TESPA1: variants seen among roughly 807,000 people sequenced by gnomAD.
TESPA1 encodes the protein thymocyte expressed, positive selection associated 1.
A neutral mutation model predicts 57.9 loss-of-function variants in TESPA1; 33 were observed. The ratio of observed to expected loss-of-function variants is 0.57; its 90% CI spans 0.43 to 0.76. TESPA1 has a LOEUF of 0.76. Among genes scored for constraint, TESPA1 ranks in the 30% least tolerant of loss-of-function variants. TESPA1 has a pLI of 0.00. For missense variants in TESPA1, 618 were observed against 632.9 expected (o/e 0.98, Z 0.25); for synonymous variants, 227 against 228.9 (o/e 0.99, Z 0.07).
chr12:54,951,400 C>G (rs987577402), intron 10 of TESPA1, among the ~76,000 whole-genome samples: 2 of 152,136 alleles, frequency 1.3e-5, no homozygotes, highest in African/African-American at 4.8e-5. Flanking sequence ...TTTTCTTTAC[C>G]CACTCTCAGC....
rs1951058788 is a variant in TESPA1, at chr12:54,961,279, A to C, written c.1468-12T>G. The C allele has an allele frequency of 6.2e-7, 1 of 1,613,784 alleles. No individual in the cohort carries two copies. The highest frequency in any genetic ancestry group is 1.3e-5 in the African/African-American group (1 of 74,998). ...CTGTTGCTTTGCACCTGTAACCAAG[A>C]TCCCACAGAACTCAGCCAGAGCCAA... is the stretch of plus-strand genomic sequence containing the variant. On this transcript the variant is annotated splice_polypyrimidine_tract_variant and intron_variant, in intron 9 of 10. Transcript: ENST00000449076.
intron 7 of TESPA1, among the ~76,000 whole-genome samples, chr12:54,965,043 C>G (rs1951335383): frequency 6.6e-6 from 1 of 152,168 alleles, no homozygotes; most frequent in Non-Finnish European, 1.5e-5. Flanking sequence ...CTTCAAATTT[C>G]AGATACTTTT....
rs1950288984 is a variant in TESPA1 at position 54,950,120 on chromosome 12, A to G, written c.*272T>C. 4 of 355,784 alleles carry G rather than the reference A, an allele frequency of 1.1e-5. No individual in the cohort carries two copies. The Admixed American group carries it at 1.4e-4, about 13-fold the overall frequency. The allele number at this position is 355,784 out of a possible 1,614,324, so 22.0% of individuals were successfully genotyped here. On this transcript the variant is annotated 3_prime_UTR_variant, in exon 11 of 11. Coordinates refer to ENST00000449076, the MANE Select transcript of TESPA1 (RefSeq NM_001136030.3). The stretch of plus-strand genomic sequence containing the variant: ...ATATTTTAATACACACATAGTAGAG[A>G]AACCAGTGTACAGAGAAATGAAGAG...
rs1255304661 is a variant in TESPA1, at chr12:54,956,580, T to A, written c.*1+4588A>T. Among the ~76,000 whole-genome samples, 3 of 152,158 alleles carry A rather than the reference T, an allele frequency of 2.0e-5. No individual in the cohort carries two copies. The East Asian group carries it at 5.8e-4, about 29-fold the overall frequency. ...CTTTCTCAGGAACTTGGAGGAAGAT[T>A]AAAACCTCTTTCCCAGCAGAGACTA... On this transcript the variant is annotated intron_variant, in intron 10 of 10. Coordinates refer to ENST00000449076, the MANE Select transcript of TESPA1 (RefSeq NM_001136030.3).
At chr12:54,955,420 G>A (rs1355240899) in intron 10 of TESPA1, among the ~76,000 whole-genome samples, 1 of 152,196 alleles carries the variant, frequency 6.6e-6, no homozygotes, top group Admixed American at 6.5e-5. Flanking sequence ...TAAGCACTTT[G>A]TTTTAACTTG....
At chr12:54,961,647 T>C (rs1323960264) in intron 9 of TESPA1, among the ~76,000 whole-genome samples, 2 of 152,192 alleles carry the variant, frequency 1.3e-5, no homozygotes, top group South Asian at 2.1e-4. Context: ...ACTTAGAGAA[T>C]GTGCCCACCT....
intron 5 of TESPA1, 111 bp from the exon 6 acceptor site, chr12:54,966,535 G>T: frequency 1.6e-6 from 2 of 1,287,314 alleles, no homozygotes; most frequent in Non-Finnish European, 2.2e-6. Flanking sequence ...TTGTGACTAT[G>T]ACAGGCTAGC....
chr12:54,977,178 T>C (rs888360245), intron 1 of TESPA1, among the ~76,000 whole-genome samples: 1 of 152,170 alleles, frequency 6.6e-6, no homozygotes, highest in Admixed American at 6.5e-5. Context: ...GACAGAAATT[T>C]TGGGTCATTT....
chr12:54,948,817 G>C lies in TESPA1; in HGVS notation c.*1575C>G, dbSNP rs374768485. ...AGATATTTCTGTTCTCTTGTGACAA[G>C]ATAGCCTTAACTTTCCCCTCAGCTT... On this transcript the variant is annotated 3_prime_UTR_variant, in exon 11 of 11. Transcript: ENST00000449076. 1 of 152,206 alleles carries C rather than the reference G, an allele frequency of 6.6e-6. No individual in the cohort carries two copies. Among genetic ancestry groups the C allele is most frequent in the Non-Finnish European group, 1.5e-5 (1 of 68,032 alleles). The allele number at this position is 152,206 out of a possible 1,614,324, so 9.4% of individuals were successfully genotyped here.
intron 10 of TESPA1, among the ~76,000 whole-genome samples, chr12:54,958,088 T>A (rs1950842263): frequency 9.8e-5 from 15 of 152,346 alleles, no homozygotes; most frequent in Admixed American, 9.1e-4. Context: ...TTCTGATATT[T>A]TAAAATACTG....
chr12:54,955,387 A>C (rs1440222331), intron 10 of TESPA1, among the ~76,000 whole-genome samples: 3 of 152,234 alleles, frequency 2.0e-5, no homozygotes, highest in African/African-American at 7.2e-5. Flanking sequence ...TTCCAGTCTC[A>C]ATGGGCAGGT....
At chr12:54,953,342 AG>A (rs1359278263) in intron 10 of TESPA1, among the ~76,000 whole-genome samples, 2 of 152,114 alleles carry the variant, frequency 1.3e-5, no homozygotes, top group Admixed American at 1.3e-4. Context: ...ACTAGGCATA[AG>A]GTGTAGTTTC....
At chr12:54,957,328 C>T (rs1447106785) in intron 10 of TESPA1, among the ~76,000 whole-genome samples, 2 of 152,110 alleles carry the variant, frequency 1.3e-5, no homozygotes, top group Non-Finnish European at 2.9e-5. Flanking sequence ...GAACTTAAAA[C>T]GACATTATAA....
chr12:54,971,883 A>G (rs1407987262), intron 3 of TESPA1, among the ~76,000 whole-genome samples: 1 of 152,114 alleles, frequency 6.6e-6, no homozygotes, highest in African/African-American at 2.4e-5. Flanking sequence ...AGATAGATGG[A>G]TAGATATAGA....
chr12:54,967,257 G>A lies in TESPA1; in HGVS notation c.257-21C>T, dbSNP rs771005668. 45 of 1,610,720 alleles carry A rather than the reference G, an allele frequency of 2.8e-5. No individual in the cohort carries two copies. In the African/African-American group the frequency reaches 5.6e-4, roughly 20 times the overall value. ...GAAGCCTGTCCAATAATCAGGTGAGGGTCACAGAAAACCAGGATGGAACAT... is the reference window on the plus strand; with the variant it reads ...GAAGCCTGTCCAATAATCAGGTGAGAGTCACAGAAAACCAGGATGGAACAT... On this transcript the variant is annotated intron_variant, in intron 4 of 10. Coordinates refer to ENST00000449076, the MANE Select transcript of TESPA1 (RefSeq NM_001136030.3).
intron 3 of TESPA1, among the ~76,000 whole-genome samples, chr12:54,969,147 G>A (rs1411995044): frequency 1.3e-5 from 2 of 150,014 alleles, no homozygotes; most frequent in East Asian, 3.9e-4. Flanking sequence ...ATTTTAATAT[G>A]TCCTTATGAA....
rs114804696 is a variant in TESPA1 at position 54,950,114 on chromosome 12, G to A, written c.*278C>T. ...CATTATATATTTTAATACACACATAGTAGAGAAACCAGTGTACAGAGAAAT... is the reference window on the plus strand; with the variant it reads ...CATTATATATTTTAATACACACATAATAGAGAAACCAGTGTACAGAGAAAT... On this transcript the variant is annotated 3_prime_UTR_variant, in exon 11 of 11. Coordinates refer to ENST00000449076, the MANE Select transcript of TESPA1 (RefSeq NM_001136030.3). 1.7e-5 allele frequency: 6 copies of A among 351,846 alleles called. No homozygotes were observed. Among genetic ancestry groups the A allele is most frequent in the Non-Finnish European group, 3.4e-5 (6 of 178,568 alleles). The allele number at this position is 351,846 out of a possible 1,614,324, so 21.8% of individuals were successfully genotyped here.
chr12:54,964,412 TAG>T (rs1159064298), intron 7 of TESPA1, among the ~76,000 whole-genome samples: 1 of 152,200 alleles, frequency 6.6e-6, no homozygotes, highest in Non-Finnish European at 1.5e-5. Flanking sequence ...TTCTTGATCT[TAG>T]GGCAAAAAGT....
In TESPA1 at chr12:54,962,973, T is replaced by C; in HGVS notation, c.925A>G (p.Arg309Gly). ...RPPPPHNTPK[R>G]NSLDQVVLEV... ...AACACAACTTGGTCCAAACTGTTCCTTTTGGGGGTGTTGTGGGGTGGTGGT... is the reference window on the plus strand; with the variant it reads ...AACACAACTTGGTCCAAACTGTTCCCTTTGGGGGTGTTGTGGGGTGGTGGT... Residue 309 changes from arginine (R) to glycine (G), a missense_variant, in exon 9 of 11, where the codon AGG becomes GGG. Arg to Gly is a moderately radical substitution (Grantham distance 125, BLOSUM62 -2). Coordinates refer to ENST00000449076, the MANE Select transcript of TESPA1 (RefSeq NM_001136030.3). 1.2e-6 allele frequency: 2 copies of C among 1,613,688 alleles called. No homozygotes were observed. Among genetic ancestry groups the C allele is most frequent in the Non-Finnish European group, 8.5e-7 (1 of 1,179,806 alleles).
Sources: gnomAD v4.1 joint callset for allele counts (sites outside exome capture counted in the v4.1 genomes callset) on GRCh38, gnomAD v4.1.1 for gene constraint, MANE v1.5 for transcripts, NCBI Gene and HGNC (gene_info 2026-07-23, HGNC 2026-07-21) for gene names.